The following PDSS2 variants were observed in gnomAD, a reference collection of about 807,000 sequenced individuals.
PDSS2 encodes the protein all trans-polyprenyl-diphosphate synthase PDSS2.
Under a neutral mutation model 44.5 loss-of-function variants are expected in PDSS2, and 31 were observed. That is an observed-to-expected ratio of 0.70 (90% CI 0.52 to 0.94). PDSS2 has a LOEUF of 0.94. Among genes scored for constraint, PDSS2 ranks in the 40% least tolerant of loss-of-function variants. PDSS2 has a pLI of 0.00. For synonymous variants in PDSS2, 157 were observed against 180.3 expected, an observed-to-expected ratio of 0.87 and a Z score of 1.03; for missense variants, 452 against 482.2, an observed-to-expected ratio of 0.94 and a Z score of 0.59.
intron 7 of PDSS2, among the ~76,000 whole-genome samples, chr6:107,179,685 G>A (rs1029908612): frequency 1.1e-4 from 17 of 152,152 alleles, no homozygotes; most frequent in East Asian, 3.8e-4. Context: ...CAGGTCCCAT[G>A]ATCTCTACTG....
chr6:107,197,515 T>C (rs1405326551), intron 6 of PDSS2, among the ~76,000 whole-genome samples: 2 of 140,140 alleles, frequency 1.4e-5, no homozygotes. Flanking sequence ...AGTGTCAAAA[T>C]AGAAGTAAGT....
At chr6:107,444,072 A>AGGCTGG (rs1183572828) in intron 1 of PDSS2, among the ~76,000 whole-genome samples, 1 of 152,220 alleles carries the variant, frequency 6.6e-6, no homozygotes, top group Non-Finnish European at 1.5e-5. Context: ...TCTGTCGCCC[A>AGGCTGG]GGCTGGAGTG....
intron 1 of PDSS2, among the ~76,000 whole-genome samples, chr6:107,437,055 A>G (rs1373344705): frequency 6.6e-6 from 1 of 151,640 alleles, no homozygotes; most frequent in Non-Finnish European, 1.5e-5. Context: ...GGAGGAGTGC[A>G]GTGGCATGCT....
intron 7 of PDSS2, among the ~76,000 whole-genome samples, chr6:107,187,229 C>T (rs1051350064): frequency 3.3e-5 from 5 of 152,084 alleles, no homozygotes; most frequent in East Asian, 3.9e-4. Flanking sequence ...CTACCTAAAT[C>T]GAGTTATGTC....
intron 1 of PDSS2, among the ~76,000 whole-genome samples, chr6:107,374,754 T>C (rs2114412311): frequency 6.6e-6 from 1 of 152,348 alleles, no homozygotes; most frequent in East Asian, 1.9e-4. Context: ...TTAATCATTT[T>C]AAACAGTCAT....
intron 6 of PDSS2, among the ~76,000 whole-genome samples, chr6:107,203,215 C>T (rs1772848063): frequency 6.6e-6 from 1 of 152,138 alleles, no homozygotes; most frequent in South Asian, 2.1e-4. Context: ...AGTCTTTCCA[C>T]TTAACTTTCC....
At chr6:107,333,739 T>C (rs1777784778) in intron 2 of PDSS2, among the ~76,000 whole-genome samples, 1 of 152,172 alleles carries the variant, frequency 6.6e-6, no homozygotes, top group Non-Finnish European at 1.5e-5. Context: ...GCTCACCATG[T>C]TGTCCAGGCT....
chr6:107,166,989 C>A (rs1554247644), intron 7 of PDSS2, among the ~76,000 whole-genome samples: 2 of 152,174 alleles, frequency 1.3e-5, no homozygotes, highest in Non-Finnish European at 2.9e-5. Context: ...ATGCTGGCCT[C>A]ATAAAATGAG....
chr6:107,351,069 G>T (rs1211613190), intron 1 of PDSS2, among the ~76,000 whole-genome samples: 1 of 150,690 alleles, frequency 6.6e-6, no homozygotes, highest in Non-Finnish European at 1.5e-5. Context: ...CACATTAAAA[G>T]TAAAAAAAAA....
intron 1 of PDSS2, among the ~76,000 whole-genome samples, chr6:107,344,216 T>C (rs1429251466): frequency 1.3e-5 from 2 of 152,108 alleles, no homozygotes; most frequent in Non-Finnish European, 2.9e-5. Context: ...AATTAGCAAT[T>C]TGATGACAGC....
At chr6:107,413,255 A>G (rs1239854758) in intron 1 of PDSS2, among the ~76,000 whole-genome samples, 1 of 152,320 alleles carries the variant, frequency 6.6e-6, no homozygotes, top group East Asian at 1.9e-4. Context: ...AGAACATGGT[A>G]TGAGGGCCAG....
chr6:107,424,036 C>CATTTTTTT lies in PDSS2; in HGVS notation c.296+34953_296+34954insAAAAAAAT, dbSNP rs1554279679. Among the ~76,000 whole-genome samples the CATTTTTTT allele has an allele frequency of 1.4e-4, 13 of 90,584 alleles. 2 individuals carry two copies. The highest frequency in any genetic ancestry group is 1.4e-4 in the African/African-American group (3 of 21,954). The allele number at this position is 90,584 out of a possible 152,430, so 59.4% of individuals were successfully genotyped here. A position where few individuals can be genotyped will look rare whatever the true frequency, so the allele number is the denominator to read the frequency against. ...AATTATGATTATTTTTATCTTGCAT[C>CATTTTTTT]TTTTTTTTTTTTTTTTTTTTTTTGG... On this transcript the variant is annotated intron_variant, in intron 1 of 7. Coordinates refer to ENST00000369037, the MANE Select transcript of PDSS2 (RefSeq NM_020381.4).
intron 2 of PDSS2, among the ~76,000 whole-genome samples, chr6:107,296,598 G>A (rs942189311): frequency 2.6e-5 from 4 of 152,188 alleles, no homozygotes; most frequent in African/African-American, 4.8e-5. Flanking sequence ...GTGGTGGCAG[G>A]AGCCTGTAAT....
chr6:107,166,149 C>A (rs1443640328), intron 7 of PDSS2, among the ~76,000 whole-genome samples: 1 of 151,830 alleles, frequency 6.6e-6, no homozygotes, highest in Non-Finnish European at 1.5e-5. Context: ...TAATTGAATA[C>A]CCTTTATTTC....
intron 2 of PDSS2, among the ~76,000 whole-genome samples, chr6:107,281,630 T>G (rs1407167427): frequency 6.6e-6 from 1 of 152,098 alleles, no homozygotes; most frequent in Non-Finnish European, 1.5e-5. Context: ...GGCTAAAGGG[T>G]TTGTGATCAA....
chr6:107,328,932 G>T (rs2115212997), intron 2 of PDSS2, among the ~76,000 whole-genome samples: 1 of 152,278 alleles, frequency 6.6e-6, no homozygotes, highest in African/African-American at 2.4e-5. Flanking sequence ...GAAATCAAAG[G>T]ACCCAGTGGG....
At chr6:107,228,215 G>A (rs1165355974) in intron 4 of PDSS2, among the ~76,000 whole-genome samples, 1 of 151,948 alleles carries the variant, frequency 6.6e-6, no homozygotes, top group Admixed American at 6.6e-5. Context: ...AAATTTGAGG[G>A]TCTACTTAAT....
At chr6:107,167,782 GC>G (rs1238125648) in intron 7 of PDSS2, among the ~76,000 whole-genome samples, 1 of 152,198 alleles carries the variant, frequency 6.6e-6, no homozygotes, top group East Asian at 1.9e-4. Flanking sequence ...ATGTAGTTGA[GC>G]AGTTTTGGGT....
rs191501517 is a variant in PDSS2 at position 107,416,165 on chromosome 6, G to A, written c.296+42825C>T. ...TGGGGAAAATGTATTTTATTCCTAT[G>A]GTAAAACGACAGAACTCTGTTCCCA... On this transcript the variant is annotated intron_variant, in intron 1 of 7. Transcript: ENST00000369037. Among the ~76,000 whole-genome samples the A allele has an allele frequency of 3.2e-4, 49 of 152,068 alleles. No homozygotes were observed. The East Asian group carries it at 7.5e-3, about 23-fold the overall frequency.
Sources: gnomAD v4.1 joint callset for allele counts (sites outside exome capture counted in the v4.1 genomes callset) on GRCh38, gnomAD v4.1.1 for gene constraint, MANE v1.5 for transcripts, NCBI Gene and HGNC (gene_info 2026-07-23, HGNC 2026-07-21) for gene names.